Variants in LRRC49 observed in about 807,000 individuals in gnomAD.
LRRC49 encodes leucine rich repeat containing 49, also known as leucine-rich repeat-containing protein 49.
Under a neutral mutation model 83.3 loss-of-function variants are expected in LRRC49, and 50 were observed. The ratio of observed to expected loss-of-function variants is 0.60; its 90% confidence interval spans 0.48 to 0.76. LRRC49 has a LOEUF of 0.76. LRRC49 is among the 30% of genes least tolerant of loss of function. The pLI is 0.00. For missense variants in LRRC49, 704 were observed against 809.1 expected (o/e 0.87, Z 1.58); for synonymous variants, 286 against 283.3 (o/e 1.01, Z -0.10).
intron 14 of LRRC49, among the ~76,000 whole-genome samples, chr15:71,023,093 C>T (rs1186351295): frequency 6.6e-6 from 1 of 152,074 alleles, no homozygotes; most frequent in African/African-American, 2.4e-5. Flanking sequence ...CTGAAACTAC[C>T]TTGAACTGAA....
chr15:70,856,084 G>T (rs2032648008), intron 1 of LRRC49, among the ~76,000 whole-genome samples: 2 of 152,060 alleles, frequency 1.3e-5, no homozygotes, highest in Non-Finnish European at 2.9e-5. Flanking sequence ...AGGTTTTATA[G>T]TTTATGAACA....
Position 71,049,426 on chromosome 15 carries a change from G to A in LRRC49, c.1875G>A (p.Lys625=). The A allele has an allele frequency of 6.3e-7, 1 of 1,586,992 alleles. No individual in the cohort carries two copies. Among genetic ancestry groups the A allele is most frequent in the South Asian group, 1.2e-5 (1 of 85,382 alleles). Residue 625 remains lysine (K), a synonymous_variant, in exon 16 of 16, where the codon AAG becomes AAA. Coordinates refer to ENST00000260382, the MANE Select transcript of LRRC49 (RefSeq NM_017691.5). Reference sequence around the variant, plus strand: ...TTTAACAGGAAATAAAGGAAAAGAAGAAATTCTGTAAAACATATATAGAAG... The same window carrying A: ...TTTAACAGGAAATAAAGGAAAAGAAAAAATTCTGTAAAACATATATAGAAG... The part of the protein sequence containing the change: ...NEKLEEIKEK[K]KFCKTYIEDL...
intron 6 of LRRC49, among the ~76,000 whole-genome samples, chr15:70,912,642 A>G (rs2034595557): frequency 6.6e-6 from 1 of 151,628 alleles, no homozygotes. Context: ...CTATTCCTGT[A>G]TCTGTCTGAA....
chr15:70,990,943 G>T (rs905761715), intron 11 of LRRC49, among the ~76,000 whole-genome samples: 1 of 152,198 alleles, frequency 6.6e-6, no homozygotes, highest in Non-Finnish European at 1.5e-5. Context: ...CTCCAAGTTG[G>T]TAGGTAGTTG....
intron 14 of LRRC49, among the ~76,000 whole-genome samples, chr15:71,014,601 A>G (rs2038765529): frequency 6.6e-6 from 1 of 152,164 alleles, no homozygotes; most frequent in South Asian, 2.1e-4. Flanking sequence ...GATGGGAAAT[A>G]TATAATGAAC....
At chr15:71,019,378 G>C (rs1166688958) in intron 14 of LRRC49, among the ~76,000 whole-genome samples, 3 of 152,130 alleles carry the variant, frequency 2.0e-5, no homozygotes, top group African/African-American at 4.8e-5. Context: ...GGAACTTTTT[G>C]CCAGGAAATG....
At chr15:71,005,394 C>T (rs1330993335) in intron 11 of LRRC49, among the ~76,000 whole-genome samples, 1 of 152,076 alleles carries the variant, frequency 6.6e-6, no homozygotes, top group African/African-American at 2.4e-5. Context: ...CTCTCCGCCC[C>T]ACCCATCCAG....
chr15:71,030,366 G>A (rs2039312117), intron 14 of LRRC49, among the ~76,000 whole-genome samples: 2 of 152,174 alleles, frequency 1.3e-5, no homozygotes, highest in African/African-American at 2.4e-5. Context: ...TGGCTTTCAG[G>A]GTTTCTGCAG....
At chr15:70,946,324 T>C (rs1211316367) in intron 8 of LRRC49, among the ~76,000 whole-genome samples, 1 of 152,160 alleles carries the variant, frequency 6.6e-6, no homozygotes, top group East Asian at 1.9e-4. Flanking sequence ...ATTTCTCATA[T>C]GAGTGAGATC....
chr15:70,860,151 C>T (rs2032753172), intron 1 of LRRC49: 4 of 692,736 alleles, frequency 5.8e-6, no homozygotes, highest in Non-Finnish European at 2.6e-6. Context: ...CTCTGACATC[C>T]TGCCTAAGTG....
intron 10 of LRRC49, among the ~76,000 whole-genome samples, chr15:70,982,591 A>G (rs113010109): frequency 0.015 from 2,217 of 152,228 alleles, 49 homozygotes; most frequent in African/African-American, 0.05. Flanking sequence ...ACACCAAACA[A>G]CAGAAAAAAA....
At chr15:70,906,354 C>T (rs2034314229) in intron 5 of LRRC49, among the ~76,000 whole-genome samples, 2 of 152,152 alleles carry the variant, frequency 1.3e-5, no homozygotes, top group African/African-American at 4.8e-5. Flanking sequence ...CTTGGCCTCC[C>T]AAAGTGCTGG....
intron 15 of LRRC49, chr15:71,048,725 A>G: frequency 2.2e-6 from 1 of 445,248 alleles, no homozygotes; most frequent in Non-Finnish European, 4.5e-6. Flanking sequence ...CACAATATTC[A>G]AATATCCTCA....
At chr15:70,892,095 G>A, upstream of LRRC49, 2 of 1,613,972 alleles carry the variant, frequency 1.2e-6, no homozygotes, top group Non-Finnish European at 1.7e-6. Context: ...AAACAGGCTG[G>A]GGCAAAGTGG....
intron 2 of LRRC49, chr15:70,882,395 A>T: frequency 7.6e-7 from 1 of 1,316,144 alleles, no homozygotes. Context: ...GCAAAGAGAT[A>T]ATTATGTGAG....
chr15:71,041,953 T>C (rs1167404699), intron 15 of LRRC49, among the ~76,000 whole-genome samples: 1 of 152,192 alleles, frequency 6.6e-6, no homozygotes, highest in Non-Finnish European at 1.5e-5. Flanking sequence ...GAAAAGCATA[T>C]TGAACCCCTT....
rs115934241 is a variant in LRRC49, at chr15:70,957,553, G to A, written c.774-6232G>A. ...ATCACATTTTTTTCATTCATTCACCGAAACTTTATTGCACACTTACTAAAG... is the reference window on the plus strand; with the variant it reads ...ATCACATTTTTTTCATTCATTCACCAAAACTTTATTGCACACTTACTAAAG... On this transcript the variant is annotated intron_variant, in intron 8 of 15. Transcript: ENST00000260382. Among the ~76,000 whole-genome samples, 723 of 151,556 alleles carry A rather than the reference G, an allele frequency of 4.8e-3. 8 individuals are homozygous for A. The highest frequency in any genetic ancestry group is 0.017 in the African/African-American group (702 of 41,302).
At chr15:70,984,620 T>C (rs191794134) in intron 11 of LRRC49, 1 of 156,444 alleles carries the variant, frequency 6.4e-6, no homozygotes, top group East Asian at 1.9e-4. Flanking sequence ...AACATTTCTT[T>C]TTTATTATTA....
intron 14 of LRRC49, among the ~76,000 whole-genome samples, chr15:71,027,406 G>T (rs2141284834): frequency 6.6e-6 from 1 of 152,266 alleles, no homozygotes; most frequent in South Asian, 2.1e-4. Flanking sequence ...TTTTTGCTTA[G>T]GATTGCCTTG....
Sources: gnomAD v4.1 joint callset for allele counts (sites outside exome capture counted in the v4.1 genomes callset) on GRCh38, gnomAD v4.1.1 for gene constraint, MANE v1.5 for transcripts, NCBI Gene and HGNC (gene_info 2026-07-23, HGNC 2026-07-21) for gene names.